The following ABHD6 variants were observed in gnomAD, a reference collection of about 807,000 sequenced individuals.
ABHD6 encodes monoacylglycerol lipase ABHD6.
A neutral mutation model predicts 38.8 loss-of-function variants in ABHD6; 33 were observed. The ratio of observed to expected loss-of-function variants is 0.85; its 90% CI spans 0.64 to 1.14. The LOEUF (loss-of-function observed/expected upper bound fraction) is 1.14. Ranked by LOEUF, ABHD6 falls within the 50% of genes most tolerant of loss-of-function variation. ABHD6 has a pLI of 0.00. For synonymous variants in ABHD6, 147 were observed against 161.6 expected, an observed-to-expected ratio of 0.91 and a Z score of 0.69; for missense variants, 380 against 422.6, an observed-to-expected ratio of 0.90 and a Z score of 0.88.
Position 58,259,471 on chromosome 3 carries a change from G to A in ABHD6, c.119+2766G>A, listed in dbSNP as rs2097435536. On this transcript the variant is annotated intron_variant, in intron 3 of 9. Transcript: ENST00000478253. This position sits in a 1 kb window ranked among gnomAD's most constrained non-coding sequence, Gnocchi z 4.7. ...AAGGCAGGAGGATCACTTGAGGCCA[G>A]GAGTTCGAGACCAGCCTGGCCAACA... Among the ~76,000 whole-genome samples the A allele has an allele frequency of 6.6e-6, 1 of 152,198 alleles. No homozygotes were observed. Among genetic ancestry groups the A allele is most frequent in the African/African-American group, 2.4e-5 (1 of 41,438 alleles).
intron 9 of ABHD6, among the ~76,000 whole-genome samples, chr3:58,291,576 C>G (rs1293662241): frequency 1.3e-5 from 2 of 152,084 alleles, no homozygotes. Context: ...AGTTTTTGAC[C>G]ATTTATATGA....
chr3:58,250,060 T>G (rs182078606), intron 2 of ABHD6, 118 bp downstream of exon 2: 5 of 152,226 alleles, frequency 3.3e-5, no homozygotes, highest in Admixed American at 3.3e-4. Context: ...TGCTGCATGA[T>G]TTTTCTGATC....
At chr3:58,271,373 A>G (rs17059111) in intron 6 of ABHD6, among the ~76,000 whole-genome samples, 17,630 of 152,100 alleles carry the variant, frequency 0.12, 1,310 homozygotes, top group African/African-American at 0.2. Flanking sequence ...GTTGATTAAA[A>G]TGTATATAGT....
chr3:58,285,030 G>T lies in ABHD6; in HGVS notation c.682-55G>T. On this transcript the variant is annotated intron_variant, in intron 7 of 9. Coordinates refer to ENST00000478253, the MANE Select transcript of ABHD6 (RefSeq NM_001320126.2). This position sits in a 1 kb window ranked among gnomAD's most constrained non-coding sequence, Gnocchi z 4.9. ...CATTCATTGTCCCAGAGCTGTGAGA[G>T]GCCTGAGGAAATGAATCTTCTCTTG... 1 of 1,530,134 alleles carries T rather than the reference G, an allele frequency of 6.5e-7. No homozygotes were observed. Among genetic ancestry groups the T allele is most frequent in the Admixed American group, 1.7e-5 (1 of 59,910 alleles). The allele number at this position is 1,530,134 out of a possible 1,614,324, so 94.8% of individuals were successfully genotyped here. A position where few individuals can be genotyped will look rare whatever the true frequency, so the allele number is the denominator to read the frequency against.
chr3:58,262,000 G>T (rs920972384), intron 3 of ABHD6, among the ~76,000 whole-genome samples: 3 of 152,186 alleles, frequency 2.0e-5, no homozygotes, highest in Non-Finnish European at 4.4e-5. Context: ...ATATTATTCA[G>T]CCTTAAAAAG....
chr3:58,260,736 G>T (rs959968411), intron 3 of ABHD6, among the ~76,000 whole-genome samples: 1 of 152,202 alleles, frequency 6.6e-6, no homozygotes, highest in African/African-American at 2.4e-5. Context: ...GGATCAGCAG[G>T]CAGTAGAGGT....
intron 9 of ABHD6, among the ~76,000 whole-genome samples, chr3:58,289,938 G>A (rs1308478100): frequency 6.9e-6 from 1 of 145,822 alleles, no homozygotes; most frequent in Non-Finnish European, 1.5e-5. Flanking sequence ...AGTAGGGGCG[G>A]CCGGGCAGAG....
chr3:58,240,683 G>A (rs1430919751), intron 1 of ABHD6, among the ~76,000 whole-genome samples: 1 of 151,124 alleles, frequency 6.6e-6, no homozygotes, highest in Non-Finnish European at 1.5e-5. Context: ...TGCTACCTCA[G>A]CCTCCTAAGT....
intron 3 of ABHD6, among the ~76,000 whole-genome samples, chr3:58,264,090 T>G (rs1308893781): frequency 2.0e-5 from 3 of 152,190 alleles, no homozygotes; most frequent in Non-Finnish European, 4.4e-5. Context: ...GAAAACTCCA[T>G]TTTAAATAAT....
In ABHD6 at chr3:58,285,319, G is replaced by A. The variant is rs1027718809; in HGVS notation, c.737-34G>A. ...GCGGTGGTGCCACAGGCACAGTCCA[G>A]CACATACTCACTTTGTTTTCCTTTT... On this transcript the variant is annotated intron_variant, in intron 8 of 9. Coordinates refer to ENST00000478253, the MANE Select transcript of ABHD6 (RefSeq NM_001320126.2). This position sits in a 1 kb window ranked among gnomAD's most constrained non-coding sequence, Gnocchi z 4.9. 6.2e-7 allele frequency: 1 copy of A among 1,603,676 alleles called. No individual in the cohort carries two copies.
chr3:58,274,418 C>T (rs2097447257), intron 6 of ABHD6, among the ~76,000 whole-genome samples: 1 of 152,190 alleles, frequency 6.6e-6, no homozygotes, highest in Non-Finnish European at 1.5e-5. Flanking sequence ...TTTGATGCTC[C>T]TGGTCCATGG....
intron 7 of ABHD6, among the ~76,000 whole-genome samples, chr3:58,276,612 A>G (rs2097448916): frequency 6.6e-6 from 1 of 152,080 alleles, no homozygotes; most frequent in South Asian, 2.1e-4. Flanking sequence ...GAAGCTCTTT[A>G]GTTTAATTAG....
At chr3:58,240,546 T>G (rs1055125879) in intron 1 of ABHD6, among the ~76,000 whole-genome samples, 58 of 152,096 alleles carry the variant, frequency 3.8e-4, no homozygotes, top group African/African-American at 1.3e-3. Context: ...CTTTAAAAAT[T>G]TCTCCTATTT....
intron 1 of ABHD6, among the ~76,000 whole-genome samples, chr3:58,239,118 A>C (rs1464579452): frequency 4.0e-5 from 6 of 148,412 alleles, no homozygotes; most frequent in South Asian, 2.2e-4. Flanking sequence ...CCTTCCCCCA[A>C]CCGCCCCCCC....
rs558391067 is a variant in ABHD6, at chr3:58,285,098, T to A, written c.695T>A (p.Leu232His). The change falls in exon 8 of 10, where the codon CTT (leucine) becomes CAT (histidine). Residue 232 changes from leucine to histidine, a missense_variant. Transcript: ENST00000478253. This position sits in a 1 kb window ranked among gnomAD's most constrained non-coding sequence, Gnocchi z 4.9. ...FKVPQQILQG[L>H]VDVRIPHNNF... ...ATTTATCCTTAGATCCTGCAAGGCC[T>A]TGTCGATGTCCGCATCCCTCATAAC... is the stretch of plus-strand genomic sequence containing the variant. 5.0e-6 allele frequency: 8 copies of A among 1,614,222 alleles called. No homozygotes were observed. The highest frequency in any genetic ancestry group is 6.8e-6 in the Non-Finnish European group (8 of 1,180,036).
chr3:58,266,933 C>A lies in ABHD6; in HGVS notation c.120-256C>A, dbSNP rs931316039. 1.3e-5 allele frequency among the ~76,000 whole-genome samples: 2 copies of A among 152,208 alleles called. No individual in the cohort carries two copies. Among genetic ancestry groups the A allele is most frequent in the African/African-American group, 4.8e-5 (2 of 41,452 alleles). On this transcript the variant is annotated intron_variant, in intron 3 of 9. Coordinates refer to ENST00000478253, the MANE Select transcript of ABHD6 (RefSeq NM_001320126.2). The surrounding 1 kb of genome is among the most constrained non-coding windows in gnomAD (Gnocchi z 4.0). ...GTGTGGCATACTTCTTAAGAAAACA[C>A]CGCATTTCCCTTCCTAGAGTGATTA... is the stretch of plus-strand genomic sequence containing the variant.
At chr3:58,270,821 A>G in intron 5 of ABHD6, 111 bp from the exon 6 acceptor site, 2 of 1,233,202 alleles carry the variant, frequency 1.6e-6, no homozygotes, top group Non-Finnish European at 2.2e-6. Context: ...CTCTTTAAAC[A>G]GTAGTCATTT....
chr3:58,240,438 C>T (rs984723910), intron 1 of ABHD6, among the ~76,000 whole-genome samples: 3 of 151,374 alleles, frequency 2.0e-5, no homozygotes, highest in South Asian at 2.1e-4. Context: ...CAATTATTAC[C>T]GTGATGAGTG....
In ABHD6 at chr3:58,265,280, A is replaced by T. The variant is rs991859453; in HGVS notation, c.120-1909A>T. On this transcript the variant is annotated intron_variant, in intron 3 of 9. Transcript: ENST00000478253. The surrounding 1 kb of genome is among the most constrained non-coding windows in gnomAD (Gnocchi z 4.2). ...TTTTTTATGTTTGTTAGTCATTAAT[A>T]TCTTTTCTACTCTAAGGTACCTTTT... 6.6e-6 allele frequency among the ~76,000 whole-genome samples: 1 copy of T among 152,170 alleles called. No individual in the cohort carries two copies. Among genetic ancestry groups the T allele is most frequent in the Non-Finnish European group, 1.5e-5 (1 of 68,026 alleles).
Sources: gnomAD v4.1 joint callset for allele counts (sites outside exome capture counted in the v4.1 genomes callset) on GRCh38, gnomAD v4.1.1 for gene constraint, Gnocchi (gnomAD v3.1) non-coding constraint, MANE v1.5 for transcripts, NCBI Gene and HGNC (gene_info 2026-07-23, HGNC 2026-07-21) for gene names.